The following LIMCH1 variants were observed in gnomAD, a reference collection of about 807,000 sequenced individuals.
LIMCH1 encodes LIM and calponin homology domains 1, also known as LIM and calponin homology domains-containing protein 1.
In LIMCH1, 113 loss-of-function variants were observed where a neutral mutation model predicts 176.5. The ratio of observed to expected loss-of-function variants is 0.64; its 90% confidence interval spans 0.55 to 0.75. The LOEUF is 0.75. Among genes scored for constraint, LIMCH1 ranks in the 30% least tolerant of loss-of-function variants. The probability of loss-of-function intolerance (pLI) is 0.00; values close to 1 mark genes in which losing one functional copy is unlikely to be tolerated. For synonymous variants in LIMCH1, 619 were observed against 645.9 expected (o/e 0.96, Z 0.63); for missense variants, 1,674 against 1,814.9 (o/e 0.92, Z 1.41).
intron 1 of LIMCH1, among the ~76,000 whole-genome samples, chr4:41,401,089 C>G (rs953517174): frequency 2.0e-5 from 3 of 152,158 alleles, no homozygotes; most frequent in Admixed American, 6.5e-5. Context: ...TGGTGTTTTA[C>G]ACATGAAGTC....
intron 1 of LIMCH1, among the ~76,000 whole-genome samples, chr4:41,486,259 C>T (rs2069514680): frequency 6.6e-6 from 1 of 152,196 alleles, no homozygotes; most frequent in Non-Finnish European, 1.5e-5. Flanking sequence ...CTAAGCTTCC[C>T]ATCCTGCCCT....
intron 18 of LIMCH1, among the ~76,000 whole-genome samples, chr4:41,653,108 A>T (rs145296009): frequency 6.6e-6 from 1 of 152,294 alleles, no homozygotes; most frequent in Non-Finnish European, 1.5e-5. Flanking sequence ...CTGTCAGACT[A>T]TAAGCTAAGT....
At chr4:41,635,214 A>G (rs372373084) in intron 13 of LIMCH1, among the ~76,000 whole-genome samples, 371 of 151,926 alleles carry the variant, frequency 2.4e-3, no homozygotes, top group South Asian at 0.02. Flanking sequence ...GAGACTGTGG[A>G]AGCCTGAGGA....
At chr4:41,498,295 A>G (rs937577791) in intron 2 of LIMCH1, among the ~76,000 whole-genome samples, 6 of 152,156 alleles carry the variant, frequency 3.9e-5, no homozygotes, top group African/African-American at 1.4e-4. Context: ...GAAATGGAAT[A>G]CCCTCAAAAT....
At chr4:41,432,842 T>C (rs1471209160) in intron 1 of LIMCH1, among the ~76,000 whole-genome samples, 2 of 152,220 alleles carry the variant, frequency 1.3e-5, no homozygotes, top group Non-Finnish European at 2.9e-5. Context: ...TAATTCTTTT[T>C]CAAGTAGGCA....
At chr4:41,687,571 T>C (rs2153069939) in intron 28 of LIMCH1, among the ~76,000 whole-genome samples, 1 of 152,256 alleles carries the variant, frequency 6.6e-6, no homozygotes, top group South Asian at 2.1e-4. Context: ...ATAAAGATTA[T>C]AAAAAATTCT....
Position 41,684,507 on chromosome 4 carries a change from A to G in LIMCH1, c.3956A>G (p.Gln1319Arg). Residue 1319 changes from glutamine (Q) to arginine (R), a missense_variant, in exon 27 of 32, where the codon CAG becomes CGG. By Grantham distance (43) the Gln-to-Arg change is conservative (BLOSUM62 1). This residue lies in a region of LIMCH1 where 1,015 missense variants were observed against 1,102.5 expected (regional missense o/e 0.92). Coordinates refer to ENST00000503057, the MANE Select transcript of LIMCH1 (RefSeq NM_001330672.2). ...GCCCCACACTGTGGAACAAACCCACAGCTTGCTCAGGGTAAGAATGGAGAA... is the reference window on the plus strand; with the variant it reads ...GCCCCACACTGTGGAACAAACCCACGGCTTGCTCAGGGTAAGAATGGAGAA... ...AGAPHCGTNP[Q>R]LAQDPSQNQQ... The G allele has an allele frequency of 6.2e-7, 1 of 1,613,520 alleles. No homozygotes were observed.
chr4:41,682,453 A>G lies in LIMCH1; in HGVS notation c.3838A>G (p.Lys1280Glu). 1 of 1,612,692 alleles carries G rather than the reference A, an allele frequency of 6.2e-7. No individual in the cohort carries two copies. Among genetic ancestry groups the G allele is most frequent in the Non-Finnish European group, 8.5e-7 (1 of 1,179,114 alleles). ...KTRESDRLEEKGSLTEGALAH... is the reference protein window; with the variant it reads ...KTRESDRLEEEGSLTEGALAH... ...TAGGGAAAGTGATCGACTGGAGGAG[A>G]AGGGCAGGTATGAGCCCATCCCAAG... is the stretch of plus-strand genomic sequence containing the variant. Residue 1280 changes from lysine (K) to glutamate (E), a missense_variant, in exon 26 of 32, where the codon AAG (lysine) becomes GAG (glutamate). Around this residue, in one of 3 missense-constraint regions of LIMCH1, gnomAD observed 1,015 missense variants for 1,102.5 expected, o/e 0.92. Transcript: ENST00000503057.
At chr4:41,628,497 T>C (rs1200896224) in intron 8 of LIMCH1, among the ~76,000 whole-genome samples, 2 of 151,726 alleles carry the variant, frequency 1.3e-5, no homozygotes, top group African/African-American at 4.8e-5. Flanking sequence ...ACTAAGAAAA[T>C]TCTATAGCCT....
intron 1 of LIMCH1, among the ~76,000 whole-genome samples, chr4:41,489,710 C>T (rs9992659): frequency 0.13 from 19,561 of 149,722 alleles, 1,373 homozygotes; most frequent in South Asian, 0.25. Context: ...ATTTTATTTC[C>T]AAGACTATGA....
intron 1 of LIMCH1, among the ~76,000 whole-genome samples, chr4:41,472,066 A>C (rs1431640873): frequency 6.6e-6 from 1 of 152,240 alleles, no homozygotes; most frequent in Non-Finnish European, 1.5e-5. Flanking sequence ...GGGCAAGCAC[A>C]TCTGTAGGTA....
chr4:41,543,447 C>T (rs918926062), intron 1 of LIMCH1, among the ~76,000 whole-genome samples: 1 of 152,092 alleles, frequency 6.6e-6, no homozygotes, highest in Non-Finnish European at 1.5e-5. Context: ...GAAATTTACT[C>T]AAGTAAGACT....
intron 1 of LIMCH1, among the ~76,000 whole-genome samples, chr4:41,380,850 T>C (rs564219162): frequency 6.6e-6 from 1 of 152,314 alleles, no homozygotes; most frequent in South Asian, 2.1e-4. Flanking sequence ...GTTCACATGA[T>C]GGAATAAAAT....
chr4:41,426,614 A>G (rs189511471), intron 1 of LIMCH1, among the ~76,000 whole-genome samples: 1 of 152,342 alleles, frequency 6.6e-6, no homozygotes, highest in African/African-American at 2.4e-5. Context: ...CTCTGGGTGT[A>G]AAGAGTCCAA....
intron 18 of LIMCH1, 101 bp from the exon 19 acceptor site, chr4:41,661,319 G>T (rs1554165679): frequency 1.2e-6 from 1 of 802,538 alleles, no homozygotes; most frequent in Non-Finnish European, 2.0e-6. Flanking sequence ...AATTCATATG[G>T]CCAAACCACT....
intron 1 of LIMCH1, among the ~76,000 whole-genome samples, chr4:41,462,823 G>A (rs1284136180): frequency 1.3e-5 from 2 of 152,102 alleles, no homozygotes; most frequent in African/African-American, 4.8e-5. Flanking sequence ...AACACAGCTG[G>A]CAAAAGGCAG....
chr4:41,657,870 G>A (rs886175805), intron 18 of LIMCH1, among the ~76,000 whole-genome samples: 1 of 152,116 alleles, frequency 6.6e-6, no homozygotes, highest in African/African-American at 2.4e-5. Flanking sequence ...CCTAGGAAGG[G>A]GAGAGATTCC....
At chr4:41,593,114 G>A (rs1057316438) in intron 1 of LIMCH1, among the ~76,000 whole-genome samples, 2 of 152,290 alleles carry the variant, frequency 1.3e-5, no homozygotes, top group Admixed American at 6.5e-5. Context: ...AAGGGAGTGA[G>A]TTGCAAGGAT....
chr4:41,663,852 T>TAAAAAAAAAAAAAA (rs34659309), intron 20 of LIMCH1, among the ~76,000 whole-genome samples: 33 of 82,746 alleles, frequency 4.0e-4, no homozygotes, highest in East Asian at 1.3e-3. Flanking sequence ...TCTTCATCTC[T>TAAAAAAAAAAAAAA]AAAAAAAAAA....
Sources: gnomAD v4.1 joint callset for allele counts (sites outside exome capture counted in the v4.1 genomes callset) on GRCh38, gnomAD v4.1.1 for gene constraint, gnomAD v4.1.1 regional missense constraint, MANE v1.5 for transcripts, NCBI Gene and HGNC (gene_info 2026-07-23, HGNC 2026-07-21) for gene names.